Variants in TTLL7 observed in about 807,000 individuals in gnomAD.
TTLL7 encodes tubulin tyrosine ligase like 7, also known as tubulin polyglutamylase TTLL7.
A neutral mutation model predicts 120.2 loss-of-function variants in TTLL7; 53 were observed. The ratio of observed to expected loss-of-function variants is 0.44; its 90% CI spans 0.35 to 0.55. The LOEUF (loss-of-function observed/expected upper bound fraction) is 0.55, where lower values mean the gene tolerates loss of function less well. Ranked by LOEUF, TTLL7 falls within the 20% of genes least tolerant of loss-of-function variation. The pLI is 0.00. For synonymous variants in TTLL7, 353 were observed against 351.7 expected, an observed-to-expected ratio of 1.00 and a Z score of -0.04; for missense variants, 803 against 1,054.7, an observed-to-expected ratio of 0.76 and a Z score of 3.31.
chr1:83,998,057 T>C (rs1002354708), intron 1 of TTLL7, among the ~76,000 whole-genome samples: 1 of 152,252 alleles, frequency 6.6e-6, no homozygotes, highest in African/African-American at 2.4e-5. Flanking sequence ...AATTAATTAA[T>C]TCTATGTTTA....
chr1:83,936,310 G>A lies in TTLL7; in HGVS notation c.888+1542C>T, dbSNP rs138127141. On this transcript the variant is annotated intron_variant, in intron 8 of 20. Transcript: ENST00000260505. Reference sequence around the variant, plus strand: ...CAGCCCAACAGGTTTTCACAGACATGTCCCCAAAGAGCCAAATCCAAATGA... The same window carrying A: ...CAGCCCAACAGGTTTTCACAGACATATCCCCAAAGAGCCAAATCCAAATGA... Among the ~76,000 whole-genome samples the A allele has an allele frequency of 7.2e-3, 1,093 of 152,008 alleles. 20 individuals carry two copies. The highest frequency in any genetic ancestry group is 0.025 in the African/African-American group (1,046 of 41,450).
intron 18 of TTLL7, among the ~76,000 whole-genome samples, chr1:83,895,248 G>A (rs972130211): frequency 6.6e-6 from 1 of 152,002 alleles, no homozygotes; most frequent in Non-Finnish European, 1.5e-5. Context: ...AGGTCCCCAA[G>A]GCTTAAGACA....
rs113140965 is a variant in TTLL7, at chr1:83,867,687, C to T, written c.*2275G>A. The T allele has an allele frequency of 4.5e-4, 68 of 151,990 alleles. No individual in the cohort carries two copies. The highest frequency in any genetic ancestry group is 1.5e-3 in the African/African-American group (64 of 41,492). 9.4% of individuals were successfully genotyped at this position (151,990 alleles called of 1,614,324 possible). ...TAATTATTTGTGATTTAAGATAATG[C>T]AAATGAGTGGCCGAGAAACTGGGCT... is the stretch of plus-strand genomic sequence containing the variant. On this transcript the variant is annotated 3_prime_UTR_variant, in exon 21 of 21. Transcript: ENST00000260505.
intron 19 of TTLL7, among the ~76,000 whole-genome samples, chr1:83,888,254 A>G (rs1423271632): frequency 6.6e-6 from 1 of 151,890 alleles, no homozygotes; most frequent in Non-Finnish European, 1.5e-5. Flanking sequence ...CAGAAAAAAA[A>G]CATTTCCATT....
Sources: gnomAD v4.1 joint callset for allele counts (sites outside exome capture counted in the v4.1 genomes callset) on GRCh38, gnomAD v4.1.1 for gene constraint, MANE v1.5 for transcripts, NCBI Gene and HGNC (gene_info 2026-07-23, HGNC 2026-07-21) for gene names.